The following CSMD1 variants were observed in gnomAD, a reference collection of about 807,000 sequenced individuals.
CSMD1 encodes the protein CUB and sushi domain-containing protein 1.
A neutral mutation model predicts 417.5 loss-of-function variants in CSMD1; 213 were observed. That is an observed-to-expected ratio of 0.51 (90% confidence interval 0.46 to 0.57). The LOEUF (loss-of-function observed/expected upper bound fraction) is 0.57. CSMD1 is among the 20% of genes least tolerant of loss of function. The pLI, the probability that CSMD1 is intolerant of heterozygous loss-of-function variation, is 0.00. For missense variants in CSMD1, 6,923 were observed against 4,529.7 expected (o/e 1.53, Z -15.17); for synonymous variants, 2,862 against 1,736.8 (o/e 1.65, Z -16.11).
intron 1 of CSMD1, among the ~76,000 whole-genome samples, chr8:4,827,021 A>G (rs543386984): frequency 3.5e-3 from 526 of 152,194 alleles, no homozygotes; most frequent in Middle Eastern, 6.8e-3. Context: ...CATGGACCAC[A>G]TTTATGTTTG....
At chr8:4,652,807 G>C (rs1325187026) in intron 1 of CSMD1, among the ~76,000 whole-genome samples, 3 of 152,164 alleles carry the variant, frequency 2.0e-5, no homozygotes, top group Middle Eastern at 3.4e-3. Context: ...GATGGTTTTG[G>C]GGCATTAGAT....
At chr8:4,405,756 G>C (rs73177368) in intron 3 of CSMD1, among the ~76,000 whole-genome samples, 2,919 of 152,266 alleles carry the variant, frequency 0.019, 46 homozygotes, top group Non-Finnish European at 0.028. Context: ...AGACACCCCA[G>C]AAACAGTTTA....
At chr8:3,677,967 G>C (rs373615540) in intron 7 of CSMD1, among the ~76,000 whole-genome samples, 1 of 152,246 alleles carries the variant, frequency 6.6e-6, no homozygotes, top group East Asian at 1.9e-4. Flanking sequence ...CAGAAACACT[G>C]ACTTGGTGCA....
At chr8:4,450,547 T>C (rs528963845) in intron 2 of CSMD1, among the ~76,000 whole-genome samples, 94 of 152,092 alleles carry the variant, frequency 6.2e-4, no homozygotes, top group African/African-American at 2.1e-3. Flanking sequence ...AGGCACGGGA[T>C]TCACTTGAAC....
intron 5 of CSMD1, among the ~76,000 whole-genome samples, chr8:3,787,955 G>C (rs1480611939): frequency 2.0e-5 from 3 of 152,140 alleles, no homozygotes; most frequent in African/African-American, 4.8e-5. Context: ...ATCCTTGCAT[G>C]GGCTCCTAAT....
intron 7 of CSMD1, among the ~76,000 whole-genome samples, chr8:3,672,084 C>A (rs995010671): frequency 1.3e-5 from 2 of 152,112 alleles, no homozygotes; most frequent in Admixed American, 1.3e-4. Context: ...CAAAGTGTAT[C>A]ATTCTAAAAG....
At chr8:4,762,319 A>C (rs1247692516) in intron 1 of CSMD1, among the ~76,000 whole-genome samples, 1 of 152,144 alleles carries the variant, frequency 6.6e-6, no homozygotes, top group Non-Finnish European at 1.5e-5. Flanking sequence ...TTACTGGTAT[A>C]ACATTTAATA....
At chr8:3,944,369 G>A (rs548465354) in intron 5 of CSMD1, among the ~76,000 whole-genome samples, 2 of 152,092 alleles carry the variant, frequency 1.3e-5, no homozygotes, top group Admixed American at 1.3e-4. Flanking sequence ...AATAAGATGT[G>A]TTCCTCTCTA....
intron 26 of CSMD1, among the ~76,000 whole-genome samples, chr8:3,232,578 C>G (rs756811166): frequency 6.6e-6 from 1 of 152,178 alleles, no homozygotes; most frequent in Non-Finnish European, 1.5e-5. Context: ...CACATTTGCT[C>G]TTTCAAATGA....
At chr8:3,405,589 G>C (rs80120864) in intron 15 of CSMD1, among the ~76,000 whole-genome samples, 3 of 141,506 alleles carry the variant, frequency 2.1e-5, no homozygotes, top group South Asian at 2.5e-4. Flanking sequence ...GATGAATTTA[G>C]TTAGGATAAG....
At chr8:4,926,116 A>T (rs1806852302) in intron 1 of CSMD1, among the ~76,000 whole-genome samples, 1 of 152,224 alleles carries the variant, frequency 6.6e-6, no homozygotes, top group African/African-American at 2.4e-5. Context: ...AACATATTTT[A>T]TCAATGCCGA....
chr8:3,497,346 A>G (rs1232374334), intron 10 of CSMD1, among the ~76,000 whole-genome samples: 1 of 152,158 alleles, frequency 6.6e-6, no homozygotes, highest in Non-Finnish European at 1.5e-5. Context: ...ATATATGTTT[A>G]CAATTGTTAT....
chr8:3,021,729 GCAGCATCTGGAATGCACCTGCAATCCCA>G (rs1185214949), intron 51 of CSMD1, among the ~76,000 whole-genome samples: 3 of 64,772 alleles, frequency 4.6e-5, no homozygotes, highest in African/African-American at 1.8e-4. Context: ...CTGCAATCCC[GCAGCATCTGGAATGCACCTGCAATCCCA>G]CAGCATCCGG....
chr8:4,129,551 T>A (rs963830732), intron 3 of CSMD1, among the ~76,000 whole-genome samples: 2 of 149,852 alleles, frequency 1.3e-5, no homozygotes, highest in African/African-American at 4.9e-5. Context: ...TTGGATTCCA[T>A]CAGAATATTT....
At chr8:3,256,716 T>C (rs1470129002) in intron 26 of CSMD1, among the ~76,000 whole-genome samples, 1 of 152,204 alleles carries the variant, frequency 6.6e-6, no homozygotes, top group Non-Finnish European at 1.5e-5. Context: ...ACCCAGAAAG[T>C]CCACCTTTGA....
chr8:4,636,893 C>T (rs1373691254), intron 2 of CSMD1, among the ~76,000 whole-genome samples: 2 of 152,090 alleles, frequency 1.3e-5, no homozygotes, highest in East Asian at 1.9e-4. Context: ...CACCAATCAG[C>T]ACTCTGTAAA....
chr8:3,935,326 T>C (rs1214764444), intron 5 of CSMD1, among the ~76,000 whole-genome samples: 1 of 152,202 alleles, frequency 6.6e-6, no homozygotes, highest in Non-Finnish European at 1.5e-5. Context: ...TTATATATAT[T>C]AGTGATACTT....
At chr8:4,840,006 T>G (rs1240029314) in intron 1 of CSMD1, among the ~76,000 whole-genome samples, 1 of 152,162 alleles carries the variant, frequency 6.6e-6, no homozygotes, top group Non-Finnish European at 1.5e-5. Flanking sequence ...CAGGTGCTTT[T>G]TGTCCTGCAT....
chr8:3,021,487 A>G (rs1370502649), intron 51 of CSMD1, among the ~76,000 whole-genome samples: 1 of 152,188 alleles, frequency 6.6e-6, no homozygotes, highest in East Asian at 1.9e-4. Context: ...TTTTCCTCTG[A>G]AGTTTCTAAA....
Sources: gnomAD v4.1 joint callset for allele counts (sites outside exome capture counted in the v4.1 genomes callset) on GRCh38, gnomAD v4.1.1 for gene constraint, MANE v1.5 for transcripts, NCBI Gene and HGNC (gene_info 2026-07-23, HGNC 2026-07-21) for gene names.